The following MRPL22 variants were observed in gnomAD, a reference collection of about 807,000 sequenced individuals.
The protein encoded by MRPL22 is mitochondrial ribosomal protein L22.
In MRPL22, 27 loss-of-function variants were observed where a neutral mutation model predicts 32.4. The ratio of observed to expected loss-of-function variants is 0.83; its 90% CI spans 0.61 to 1.15. MRPL22 has a LOEUF of 1.15. Among genes scored for constraint, MRPL22 ranks in the 50% most tolerant of loss-of-function variants. The pLI is 0.00. For missense variants in MRPL22, 239 were observed against 260.2 expected, an observed-to-expected ratio of 0.92 and a Z score of 0.56; for synonymous variants, 86 against 87.3, an observed-to-expected ratio of 0.99 and a Z score of 0.08.
chr5:154,942,964 A>G (rs565218894), intron 2 of MRPL22, among the ~76,000 whole-genome samples: 1 of 152,322 alleles, frequency 6.6e-6, no homozygotes, highest in South Asian at 2.1e-4. Flanking sequence ...ATTTTGCTAG[A>G]TAATCTCTAA....
intron 2 of MRPL22, among the ~76,000 whole-genome samples, chr5:154,943,415 C>T (rs926581655): frequency 6.6e-6 from 1 of 151,746 alleles, no homozygotes; most frequent in African/African-American, 2.4e-5. Context: ...TGCATATAGG[C>T]CCCAGACTAG....
chr5:154,946,307 CAAAG>C (rs1056420020), intron 2 of MRPL22, among the ~76,000 whole-genome samples: 29 of 151,992 alleles, frequency 1.9e-4, no homozygotes, highest in African/African-American at 6.8e-4. Context: ...TTTTCACAGA[CAAAG>C]AAACCAAGGT....
At chr5:154,959,942 G>A in intron 5 of MRPL22, 38 bp from the exon 6 acceptor site, 1 of 1,461,734 alleles carries the variant, frequency 6.8e-7, no homozygotes, top group Non-Finnish European at 9.5e-7. Context: ...TTTACTTCAG[G>A]TTTAGCCGTA....
Position 154,957,138 on chromosome 5 carries a change from C to T in MRPL22, c.265C>T (p.Arg89Ter), listed in dbSNP as rs180847273. 1.5e-5 allele frequency: 24 copies of T among 1,610,630 alleles called. No homozygotes were observed. The highest frequency in any genetic ancestry group is 5.5e-5 in the South Asian group (5 of 90,800). ...DKMWYLAKLI[R>*]GMSIDQALAQ... ...GTCTCTCACCCTTTAATTCTAGATA[C>T]GAGGAATGTCTATTGACCAGGCTTT... Residue 89 changes from arginine (R) to a stop codon, truncating the protein, a stop_gained, in exon 5 of 7, where the codon CGA becomes TGA. Coordinates refer to ENST00000523037, the MANE Select transcript of MRPL22 (RefSeq NM_014180.4). LOFTEE classifies it high-confidence loss of function.
Position 154,969,368 on chromosome 5 carries a change from A to G in MRPL22, c.*2471A>G, listed in dbSNP as rs1764815184. The G allele has an allele frequency of 6.6e-6, 1 of 152,234 alleles. No homozygotes were observed. Among genetic ancestry groups the G allele is most frequent in the Non-Finnish European group, 1.5e-5 (1 of 68,068 alleles). 9.4% of individuals were successfully genotyped at this position (152,234 alleles called of 1,614,324 possible). On this transcript the variant is annotated 3_prime_UTR_variant, in exon 7 of 7. Coordinates refer to ENST00000523037, the MANE Select transcript of MRPL22 (RefSeq NM_014180.4). ...TAAGTTTCCTGAGGCCTCCCCAGCC[A>G]TGCAGAACTTTGACACAATTAAATG...
intron 2 of MRPL22, among the ~76,000 whole-genome samples, chr5:154,942,288 G>C (rs1158638765): frequency 1.3e-5 from 2 of 152,186 alleles, no homozygotes; most frequent in African/African-American, 2.4e-5. Flanking sequence ...TAATGCATAT[G>C]AAGTATTTAG....
chr5:154,950,962 C>A, intron 3 of MRPL22, 24 bp downstream of exon 3: 2 of 1,429,404 alleles, frequency 1.4e-6, no homozygotes, highest in Non-Finnish European at 2.0e-6. Flanking sequence ...TAGAACTAAT[C>A]TCTTAATTGT....
chr5:154,944,530 A>C (rs1248000590), intron 2 of MRPL22, among the ~76,000 whole-genome samples: 1 of 152,196 alleles, frequency 6.6e-6, no homozygotes, highest in African/African-American at 2.4e-5. Context: ...TTCTACAAAT[A>C]TGTATTTAGT....
chr5:154,944,828 G>C (rs1764466616), intron 2 of MRPL22, among the ~76,000 whole-genome samples: 1 of 152,174 alleles, frequency 6.6e-6, no homozygotes, highest in African/African-American at 2.4e-5. Context: ...GAGGAAGCAT[G>C]CTGTGCTAAC....
rs529324331 is a variant in MRPL22 at position 154,941,427 on chromosome 5, A to G, written c.77+162A>G. On this transcript the variant is annotated intron_variant, in intron 2 of 6. Transcript: ENST00000523037. ...TGCTTTGTCACTCTATTTTTTCTCC[A>G]CCTTATTGCATAAACTGTACAGGGA... Among the ~76,000 whole-genome samples the G allele has an allele frequency of 6.6e-5, 10 of 152,028 alleles. No individual in the cohort carries two copies. In the East Asian group the frequency reaches 1.7e-3, roughly 26 times the overall value.
rs540087626 is a variant in MRPL22 at position 154,947,906 on chromosome 5, C to T, written c.78-2915C>T. On this transcript the variant is annotated intron_variant, in intron 2 of 6. Coordinates refer to ENST00000523037, the MANE Select transcript of MRPL22 (RefSeq NM_014180.4). ...AGAACTTAAAACAGGATAAGCATTT[C>T]ATTCAGGAGATAATAAGACGAGAAA... Among the ~76,000 whole-genome samples the T allele has an allele frequency of 5.3e-5, 8 of 152,292 alleles. No individual in the cohort carries two copies. In the East Asian group the frequency reaches 1.5e-3, roughly 29 times the overall value.
At chr5:154,952,766 CA>C (rs1764580697) in intron 3 of MRPL22, among the ~76,000 whole-genome samples, 1 of 152,166 alleles carries the variant, frequency 6.6e-6, no homozygotes, top group Non-Finnish European at 1.5e-5. Flanking sequence ...TTAGAATTTC[CA>C]ATCTGCCAGC....
chr5:154,967,857 G>C lies in MRPL22; in HGVS notation c.*960G>C, dbSNP rs912490807. 6.6e-6 allele frequency: 1 copy of C among 151,812 alleles called. No homozygotes were observed. Among genetic ancestry groups the C allele is most frequent in the African/African-American group, 2.4e-5 (1 of 41,214 alleles). 9.4% of individuals were successfully genotyped at this position (151,812 alleles called of 1,614,324 possible). A position where few individuals can be genotyped will look rare whatever the true frequency, so the allele number is the denominator to read the frequency against. On this transcript the variant is annotated 3_prime_UTR_variant, in exon 7 of 7. Transcript: ENST00000523037. The surrounding 1 kb of genome is among the most constrained non-coding windows in gnomAD (Gnocchi z 4.7). ...AATGATTCAATTCACTAGGTCTTAT[G>C]GGGGGCTGGTTTCAGAAATCTATGT...
At chr5:154,966,074 C>T (rs1310672505) in intron 6 of MRPL22, among the ~76,000 whole-genome samples, 3 of 152,352 alleles carry the variant, frequency 2.0e-5, no homozygotes, top group Non-Finnish European at 2.9e-5. Flanking sequence ...CCTGAGCCTA[C>T]AGGACCTTGT....
chr5:154,965,411 GT>G (rs1471885765), intron 6 of MRPL22, among the ~76,000 whole-genome samples: 2 of 151,696 alleles, frequency 1.3e-5, no homozygotes, highest in Middle Eastern at 3.4e-3. Context: ...CAGGTGAACA[GT>G]TCTTCTTATG....
chr5:154,950,882 A>C lies in MRPL22; in HGVS notation c.139A>C (p.Lys47Gln). ...TCTTGACATTTCTCGAAAATGGGAG[A>C]AGAAGAATAAAATTGTTTATCCTCC... Reference protein sequence around the residue: ...ASLDISRKWEKKNKIVYPPQL... With the variant: ...ASLDISRKWEQKNKIVYPPQL... The change falls in exon 3 of 7, where the codon AAG becomes CAG. Residue 47 changes from lysine (K) to glutamine (Q), a missense_variant. Lys to Gln is a moderately conservative substitution (Grantham distance 53). Transcript: ENST00000523037. 6.2e-7 allele frequency: 1 copy of C among 1,613,876 alleles called. No individual in the cohort carries two copies. Among genetic ancestry groups the C allele is most frequent in the South Asian group, 1.1e-5 (1 of 91,080 alleles).
At chr5:154,945,901 T>A (rs984662605) in intron 2 of MRPL22, among the ~76,000 whole-genome samples, 1 of 152,232 alleles carries the variant, frequency 6.6e-6, no homozygotes, top group African/African-American at 2.4e-5. Context: ...ATAGGAACTT[T>A]TGATTTGATA....
At chr5:154,948,173 C>G (rs917458358) in intron 2 of MRPL22, among the ~76,000 whole-genome samples, 4 of 152,210 alleles carry the variant, frequency 2.6e-5, no homozygotes, top group African/African-American at 9.7e-5. Flanking sequence ...AACTTCAACA[C>G]TTACTACTTA....
rs72799532 is a variant in MRPL22, at chr5:154,963,843, T to C, written c.410-2843T>C. On this transcript the variant is annotated intron_variant, in intron 6 of 6. Coordinates refer to ENST00000523037, the MANE Select transcript of MRPL22 (RefSeq NM_014180.4). Reference sequence around the variant, plus strand: ...AGTCGTGGAGACTTTCTAGAAAAAATTGGCATGTGAAGATAGGCTTTTGGG... The same window carrying C: ...AGTCGTGGAGACTTTCTAGAAAAAACTGGCATGTGAAGATAGGCTTTTGGG... 3.9e-3 allele frequency among the ~76,000 whole-genome samples: 592 copies of C among 152,124 alleles called. 3 individuals carry two copies. The highest frequency in any genetic ancestry group is 6.1e-3 in the Non-Finnish European group (414 of 67,986).
Sources: gnomAD v4.1 joint callset for allele counts (sites outside exome capture counted in the v4.1 genomes callset) on GRCh38, gnomAD v4.1.1 for gene constraint, Gnocchi (gnomAD v3.1) non-coding constraint, MANE v1.5 for transcripts, NCBI Gene and HGNC (gene_info 2026-07-23, HGNC 2026-07-21) for gene names.